The following CCSER1 variants were observed in gnomAD, a reference collection of about 807,000 sequenced individuals.
CCSER1 encodes coiled-coil serine rich protein 1.
In CCSER1, 41 loss-of-function variants were observed where a neutral mutation model predicts 82.0. That is an observed-to-expected ratio of 0.50 (90% CI 0.39 to 0.65). The LOEUF is 0.65. CCSER1 is among the 30% of genes least tolerant of loss of function. The pLI is 0.00. For missense variants in CCSER1, 1,119 were observed against 1,064.2 expected, an observed-to-expected ratio of 1.05 and a Z score of -0.72; for synonymous variants, 414 against 383.9, an observed-to-expected ratio of 1.08 and a Z score of -0.92.
chr4:90,602,714 CCCTGCTTA>C (rs552136389), intron 5 of CCSER1, among the ~76,000 whole-genome samples: 1,579 of 152,160 alleles, frequency 0.01, 12 homozygotes, highest in Non-Finnish European at 0.014. Flanking sequence ...ACATTTCTAC[CCCTGCTTA>C]CCCTCCGCAA....
chr4:90,279,530 G>T (rs1728513750), intron 1 of CCSER1, among the ~76,000 whole-genome samples: 1 of 151,996 alleles, frequency 6.6e-6, no homozygotes, highest in South Asian at 2.1e-4. Flanking sequence ...TTGAATGAAA[G>T]ATTTAGTGTA....
chr4:91,558,421 GT>G (rs958054796), intron 10 of CCSER1, among the ~76,000 whole-genome samples: 1 of 151,356 alleles, frequency 6.6e-6, no homozygotes. Flanking sequence ...AACAATGTGA[GT>G]TTTTTTTGTT....
At chr4:90,298,119 G>T (rs570160536) in intron 1 of CCSER1, among the ~76,000 whole-genome samples, 22 of 152,108 alleles carry the variant, frequency 1.4e-4, no homozygotes, top group South Asian at 6.3e-4. Flanking sequence ...AATCCATCTG[G>T]TCCTGGACTC....
intron 9 of CCSER1, among the ~76,000 whole-genome samples, chr4:90,987,955 A>G (rs1370397102): frequency 1.3e-5 from 2 of 151,770 alleles, no homozygotes; most frequent in Non-Finnish European, 2.9e-5. Context: ...TTTTATTAGA[A>G]ATTATGAGAA....
intron 5 of CCSER1, among the ~76,000 whole-genome samples, chr4:90,498,408 G>A (rs1769350764): frequency 6.6e-6 from 1 of 152,166 alleles, no homozygotes; most frequent in South Asian, 2.1e-4. Flanking sequence ...CAAAAGATAA[G>A]TGTAGACTAC....
chr4:90,807,044 A>G (rs187277497), intron 7 of CCSER1, among the ~76,000 whole-genome samples: 3 of 152,194 alleles, frequency 2.0e-5, no homozygotes, highest in Non-Finnish European at 2.9e-5. Flanking sequence ...AATACAATAG[A>G]GTTTTTGTCG....
rs750633342 is a variant in CCSER1 at position 90,203,246 on chromosome 4, G to A, written c.-42+75415G>A. 5.3e-5 allele frequency among the ~76,000 whole-genome samples: 8 copies of A among 151,980 alleles called. No individual in the cohort carries two copies. In the South Asian group the frequency reaches 8.3e-4, roughly 16 times the overall value. Reference sequence around the variant, plus strand: ...AAGTTCTGGGATACATGTGCAGAACGTGCAGGTTTGTTACATAAGTATACA... The same window carrying A: ...AAGTTCTGGGATACATGTGCAGAACATGCAGGTTTGTTACATAAGTATACA... On this transcript the variant is annotated intron_variant, in intron 1 of 10. Transcript: ENST00000509176.
intron 1 of CCSER1, among the ~76,000 whole-genome samples, chr4:90,264,054 C>G (rs1408780566): frequency 6.6e-6 from 1 of 152,178 alleles, no homozygotes; most frequent in East Asian, 1.9e-4. Flanking sequence ...TCAAGTCACA[C>G]TTGACTTTTA....
intron 9 of CCSER1, among the ~76,000 whole-genome samples, chr4:90,990,674 G>A (rs1235897847): frequency 6.6e-6 from 1 of 151,880 alleles, no homozygotes; most frequent in African/African-American, 2.4e-5. Context: ...TCTGACAGTA[G>A]AGCCCACAAA....
At chr4:90,961,643 A>C (rs1012130886) in intron 9 of CCSER1, among the ~76,000 whole-genome samples, 1 of 152,108 alleles carries the variant, frequency 6.6e-6, no homozygotes, top group African/African-American at 2.4e-5. Flanking sequence ...TTACAAATAT[A>C]ATGTTTATAA....
At chr4:90,750,142 T>C (rs1748348988) in intron 7 of CCSER1, among the ~76,000 whole-genome samples, 1 of 151,854 alleles carries the variant, frequency 6.6e-6, no homozygotes, top group South Asian at 2.1e-4. Context: ...TGGGGTTGTT[T>C]GTTTTTTTCT....
chr4:90,627,390 A>G (rs1027972197), intron 5 of CCSER1, among the ~76,000 whole-genome samples: 160 of 151,982 alleles, frequency 1.1e-3, no homozygotes, highest in African/African-American at 3.7e-3. Flanking sequence ...ATCTTGTCAT[A>G]TAATTCAGAA....
intron 1 of CCSER1, among the ~76,000 whole-genome samples, chr4:90,140,728 G>A (rs904262387): frequency 1.2e-4 from 16 of 136,086 alleles, no homozygotes; most frequent in Non-Finnish European, 4.6e-5. Flanking sequence ...GCTGTGGTGC[G>A]ATCTTGGCTC....
intron 10 of CCSER1, among the ~76,000 whole-genome samples, chr4:91,139,816 G>A (rs1390219795): frequency 1.3e-5 from 2 of 152,070 alleles, no homozygotes; most frequent in African/African-American, 4.8e-5. Flanking sequence ...AATACCAATT[G>A]CTTCTCTGAA....
intron 1 of CCSER1, among the ~76,000 whole-genome samples, chr4:90,252,196 A>G (rs940273451): frequency 1.3e-5 from 2 of 151,870 alleles, no homozygotes; most frequent in African/African-American, 4.8e-5. Flanking sequence ...AAAATTTGAA[A>G]TCCAAAAGTG....
chr4:90,488,328 C>T (rs1440479318), intron 5 of CCSER1, among the ~76,000 whole-genome samples: 10 of 152,096 alleles, frequency 6.6e-5, no homozygotes, highest in Non-Finnish European at 1.5e-5. Flanking sequence ...GCTGGGACTA[C>T]AGGCACCCAC....
chr4:90,277,969 A>T (rs1225980113), intron 1 of CCSER1, among the ~76,000 whole-genome samples: 4 of 152,160 alleles, frequency 2.6e-5, no homozygotes, highest in Non-Finnish European at 5.9e-5. Flanking sequence ...TCTATAAGGA[A>T]CTTAATTCAG....
chr4:90,269,608 G>C lies in CCSER1; in HGVS notation c.-41-38636G>C, dbSNP rs571266729. 6.7e-4 allele frequency among the ~76,000 whole-genome samples: 102 copies of C among 151,886 alleles called. 1 individual carries two copies. The highest frequency in any genetic ancestry group is 2.4e-3 in the African/African-American group (99 of 41,486). On this transcript the variant is annotated intron_variant, in intron 1 of 10. Transcript: ENST00000509176. ...AAAACTTCAAATAAACAACACAACA[G>C]TGCATCTTAAAGAACTGGAAAAGCA...
chr4:90,996,724 TC>T (rs1429490901), intron 9 of CCSER1, among the ~76,000 whole-genome samples: 2 of 152,188 alleles, frequency 1.3e-5, no homozygotes, highest in East Asian at 1.9e-4. Flanking sequence ...TAAATTTTTT[TC>T]ATTTCAAAAA....
Sources: gnomAD v4.1 joint callset for allele counts (sites outside exome capture counted in the v4.1 genomes callset) on GRCh38, gnomAD v4.1.1 for gene constraint, MANE v1.5 for transcripts, NCBI Gene and HGNC (gene_info 2026-07-23, HGNC 2026-07-21) for gene names.